The following SEMA4D variants were observed in gnomAD, a reference collection of about 807,000 sequenced individuals.
SEMA4D encodes the protein semaphorin-4D.
SEMA4D carries 22 observed loss-of-function variants against 74.8 expected under a neutral mutation model. The ratio of observed to expected loss-of-function variants is 0.29; its 90% CI spans 0.21 to 0.42. The LOEUF (loss-of-function observed/expected upper bound fraction) is 0.42. Among genes scored for constraint, SEMA4D ranks in the 10% least tolerant of loss-of-function variants. The pLI is 1.00. For missense variants in SEMA4D, 937 were observed against 1,118.4 expected, an observed-to-expected ratio of 0.84 and a Z score of 2.31; for synonymous variants, 445 against 463.7, an observed-to-expected ratio of 0.96 and a Z score of 0.52.
At chr9:89,495,138 G>GC (rs1369915919) in intron 1 of SEMA4D, among the ~76,000 whole-genome samples, 2 of 152,100 alleles carry the variant, frequency 1.3e-5, no homozygotes, top group African/African-American at 2.4e-5. Context: ...GACCCTGCCT[G>GC]CCCCCCACTG....
intron 1 of SEMA4D, among the ~76,000 whole-genome samples, chr9:89,474,980 G>C (rs1233277086): frequency 1.3e-5 from 2 of 152,212 alleles, no homozygotes; most frequent in African/African-American, 4.8e-5. Context: ...GGGTGCCTGG[G>C]GCTACAGGGA....
chr9:89,365,515 C>A (rs1184792512), intron 16 of SEMA4D: 1 of 152,250 alleles, frequency 6.6e-6, no homozygotes, highest in Non-Finnish European at 1.5e-5. Context: ...GACCATGACA[C>A]CTCGTAAGAA....
At chr9:89,418,285 G>A (rs1055918675) in intron 2 of SEMA4D, 2 of 781,342 alleles carry the variant, frequency 2.6e-6, no homozygotes, top group African/African-American at 1.9e-5. Flanking sequence ...GGGGAAGACA[G>A]CACTGGGGCA....
downstream of SEMA4D, chr9:89,376,822 G>A (rs990773630): frequency 9.7e-6 from 15 of 1,544,818 alleles, no homozygotes; most frequent in East Asian, 2.5e-5. Flanking sequence ...GACAGAGAGG[G>A]CCCAACTCAC....
intron 2 of SEMA4D, among the ~76,000 whole-genome samples, chr9:89,439,451 G>C (rs1044338310): frequency 3.9e-5 from 6 of 152,150 alleles, no homozygotes; most frequent in Admixed American, 2.6e-4. Flanking sequence ...AACTGTCCAG[G>C]AAAGTAATGA....
chr9:89,367,310 C>T (rs1244335355), intron 16 of SEMA4D: 1 of 152,290 alleles, frequency 6.6e-6, no homozygotes, highest in African/African-American at 2.4e-5. Context: ...TCCTAGGCCC[C>T]CAGTGGGGAG....
chr9:89,449,087 G>A (rs749197686), intron 2 of SEMA4D, among the ~76,000 whole-genome samples: 12 of 152,196 alleles, frequency 7.9e-5, no homozygotes, highest in African/African-American at 1.9e-4. Flanking sequence ...ACACAAGCCC[G>A]GATAGCACGG....
At chr9:89,419,530 G>A (rs1312292498) in intron 2 of SEMA4D, among the ~76,000 whole-genome samples, 1 of 152,154 alleles carries the variant, frequency 6.6e-6, no homozygotes. Context: ...CCCAGAGACT[G>A]TGCCAAAAAA....
chr9:89,361,605 C>T (rs4876978), exon 19 of SEMA4D: 50,299 of 152,008 alleles, frequency 0.33, 8,628 homozygotes, highest in South Asian at 0.44. Context: ...CTCATTCCAT[C>T]GTCAAGAAAT....
At chr9:89,408,631 T>C (rs976675767) in intron 2 of SEMA4D, among the ~76,000 whole-genome samples, 5 of 152,030 alleles carry the variant, frequency 3.3e-5, no homozygotes, top group African/African-American at 1.2e-4. Context: ...CACACTCGCA[T>C]TGTGAGAGAC....
At chr9:89,447,344 TC>T (rs1245937457) in intron 2 of SEMA4D, among the ~76,000 whole-genome samples, 1 of 151,700 alleles carries the variant, frequency 6.6e-6, no homozygotes, top group Non-Finnish European at 1.5e-5. Flanking sequence ...CACAGCCTCC[TC>T]CCCACTAATA....
chr9:89,416,039 AC>A (rs1451809816), intron 2 of SEMA4D, among the ~76,000 whole-genome samples: 1 of 152,224 alleles, frequency 6.6e-6, no homozygotes, highest in African/African-American at 2.4e-5. Context: ...AAACTGTCCT[AC>A]CTTCAAAAAT....
At chr9:89,399,038 T>TA (rs1051254259) in intron 5 of SEMA4D, among the ~76,000 whole-genome samples, 1 of 152,282 alleles carries the variant, frequency 6.6e-6, no homozygotes, top group African/African-American at 2.4e-5. Flanking sequence ...ATATAAACTT[T>TA]AAAAAAGTAT....
At chr9:89,394,251 C>A (rs1840435332) in intron 6 of SEMA4D, among the ~76,000 whole-genome samples, 1 of 152,160 alleles carries the variant, frequency 6.6e-6, no homozygotes, top group African/African-American at 2.4e-5. Flanking sequence ...GTGCCCACAG[C>A]CACATGAGGA....
chr9:89,385,955 G>A (rs1449979986), intron 13 of SEMA4D: 1 of 978,698 alleles, frequency 1.0e-6, no homozygotes, highest in African/African-American at 1.8e-5. Context: ...CTTTACAGAT[G>A]AGACGAACCA....
At chr9:89,406,257 G>A (rs1322978253) in intron 2 of SEMA4D, among the ~76,000 whole-genome samples, 6 of 152,132 alleles carry the variant, frequency 3.9e-5, no homozygotes, top group Non-Finnish European at 7.4e-5. Flanking sequence ...ACACACGCAC[G>A]TGAGGCCTCA....
Position 89,484,640 on chromosome 9 carries a change from T to C in SEMA4D, c.-310+13279A>G, listed in dbSNP as rs1825012907. On this transcript the variant is annotated intron_variant, in intron 1 of 15. Transcript: ENST00000422704. The surrounding 1 kb of genome is among the most constrained non-coding windows in gnomAD (Gnocchi z 4.1). ...ATGTGCGGTGTATGTATGCAGTATA[T>C]ATGTAGTGTGTGTGTGGTGTGGTGT... is the stretch of plus-strand genomic sequence containing the variant. 6.6e-6 allele frequency among the ~76,000 whole-genome samples: 1 copy of C among 150,578 alleles called. No homozygotes were observed. The highest frequency in any genetic ancestry group is 1.5e-5 in the Non-Finnish European group (1 of 67,586).
chr9:89,449,936 G>A, intron 2 of SEMA4D: 1 of 1,485,746 alleles, frequency 6.7e-7, no homozygotes, highest in African/African-American at 1.4e-5. Flanking sequence ...GTACTTTTCT[G>A]ACTGATGTAG....
rs556220243 is a variant in SEMA4D, at chr9:89,442,999, C to T, written c.-244+12889G>A. 4.6e-5 allele frequency among the ~76,000 whole-genome samples: 7 copies of T among 152,302 alleles called. No homozygotes were observed. The South Asian group carries it at 1.0e-3, about 23-fold the overall frequency. On this transcript the variant is annotated intron_variant, in intron 2 of 15. Coordinates refer to ENST00000422704, the MANE Select transcript of SEMA4D (RefSeq NM_001371194.2). ...AGCAACCTCGGATGCCCACCAGGACCGTGCTCAGCAGCAGGAGGGCCCCCT... is the reference window on the plus strand; with the variant it reads ...AGCAACCTCGGATGCCCACCAGGACTGTGCTCAGCAGCAGGAGGGCCCCCT...
Sources: gnomAD v4.1 joint callset for allele counts (sites outside exome capture counted in the v4.1 genomes callset) on GRCh38, gnomAD v4.1.1 for gene constraint, Gnocchi (gnomAD v3.1) non-coding constraint, MANE v1.5 for transcripts, NCBI Gene and HGNC (gene_info 2026-07-23, HGNC 2026-07-21) for gene names.